CCNJL: variants seen among roughly 807,000 people sequenced by gnomAD.
CCNJL encodes cyclin-J-like protein.
In CCNJL, 33 loss-of-function variants were observed where a neutral mutation model predicts 33.4. The ratio of observed to expected loss-of-function variants is 0.99; its 90% CI spans 0.75 to 1.32. CCNJL has a LOEUF of 1.32. Among genes scored for constraint, CCNJL ranks in the 40% most tolerant of loss-of-function variants. The pLI, the probability that CCNJL is intolerant of heterozygous loss-of-function variation, is 0.00. For synonymous variants in CCNJL, 227 were observed against 220.9 expected (o/e 1.03, Z -0.24); for missense variants, 512 against 499.7 (o/e 1.02, Z -0.23).
At chr5:160,269,048 A>G (rs1761721681) in intron 3 of CCNJL, among the ~76,000 whole-genome samples, 1 of 152,248 alleles carries the variant, frequency 6.6e-6, no homozygotes, top group African/African-American at 2.4e-5. Flanking sequence ...TCCTGAGCCC[A>G]GTTTTAAAAA....
intron 1 of CCNJL, among the ~76,000 whole-genome samples, chr5:160,337,322 T>G (rs952054995): frequency 6.6e-6 from 1 of 152,072 alleles, no homozygotes; most frequent in African/African-American, 2.4e-5. Flanking sequence ...ACTTGGCTGC[T>G]GGGATTATTA....
intron 1 of CCNJL, among the ~76,000 whole-genome samples, chr5:160,324,814 A>T (rs141248122): frequency 6.6e-6 from 1 of 152,072 alleles, no homozygotes; most frequent in Non-Finnish European, 1.5e-5. Context: ...CTTTCTGTTG[A>T]TGTCTTAGAG....
rs1391371077 is a variant in CCNJL at position 160,321,004 on chromosome 5, CTCTCTCTCTCTT to C, written n.207-5511_207-5500del. ...TCTCTCTCTTTCTTTCTTTCTCTCTCTCTCTCTCTCTTTCTTTCTTTCTTTCTTTCTTTCTTT... is the reference window on the plus strand; with the variant it reads ...TCTCTCTCTTTCTTTCTTTCTCTCTCTCTTTCTTTCTTTCTTTCTTTCTTT... On this transcript the variant is annotated intron_variant and non_coding_transcript_variant, in intron 1 of 7. Coordinates refer to the CCNJL transcript ENST00000377503. Among the ~76,000 whole-genome samples, 134 of 112,032 alleles carry C rather than the reference CTCTCTCTCTCTT, an allele frequency of 1.2e-3. 1 individual carries two copies. The highest frequency in any genetic ancestry group is 4.6e-3 in the African/African-American group (125 of 27,394). The allele number at this position is 112,032 out of a possible 152,430, so 73.5% of individuals were successfully genotyped here.
intron 1 of CCNJL, among the ~76,000 whole-genome samples, chr5:160,324,810 G>A (rs537282442): frequency 6.6e-6 from 1 of 152,234 alleles, no homozygotes; most frequent in South Asian, 2.1e-4. Context: ...CAATCTTTCT[G>A]TTGATGTCTT....
At position 160,250,495 on chromosome 5, in the gene CCNJL, T is replaced by C. The variant is rs1760775114; in HGVS notation, c.*2883A>G. 1 of 152,258 alleles carries C rather than the reference T, an allele frequency of 6.6e-6. No individual in the cohort carries two copies. The highest frequency in any genetic ancestry group is 1.5e-5 in the Non-Finnish European group (1 of 68,062). 9.4% of individuals were successfully genotyped at this position (152,258 alleles called of 1,614,324 possible). Reference sequence around the variant, plus strand: ...TCCCCTAATTGTCTAATCAAAGGCATCTGCACTTAGCAAATGTCTCAGCCC... The same window carrying C: ...TCCCCTAATTGTCTAATCAAAGGCACCTGCACTTAGCAAATGTCTCAGCCC... On this transcript the variant is annotated 3_prime_UTR_variant, in exon 6 of 6. Transcript: ENST00000257536.
chr5:160,257,426 G>T (rs1301246998), intron 4 of CCNJL, among the ~76,000 whole-genome samples: 1 of 152,082 alleles, frequency 6.6e-6, no homozygotes, highest in Non-Finnish European at 1.5e-5. Context: ...AGTGAGCCAA[G>T]ATCGTGCCAC....
chr5:160,267,623 T>C (rs1251901868), intron 3 of CCNJL, among the ~76,000 whole-genome samples: 1 of 152,210 alleles, frequency 6.6e-6, no homozygotes, highest in Non-Finnish European at 1.5e-5. Flanking sequence ...AGTGTATCTA[T>C]CTGGGTGGAG....
At chr5:160,337,813 C>G (rs981375560) in intron 1 of CCNJL, among the ~76,000 whole-genome samples, 2 of 152,176 alleles carry the variant, frequency 1.3e-5, no homozygotes, top group African/African-American at 4.8e-5. Flanking sequence ...AAGAACCAAT[C>G]CTTCAAGATA....
In CCNJL at chr5:160,253,270, G is replaced by A. The variant is rs1760887014; in HGVS notation, c.*108C>T. 10 of 1,089,796 alleles carry A rather than the reference G, an allele frequency of 9.2e-6. No individual in the cohort carries two copies. Among genetic ancestry groups the A allele is most frequent in the Non-Finnish European group, 1.3e-5 (10 of 771,054 alleles). 67.5% of individuals were successfully genotyped at this position (1,089,796 alleles called of 1,614,324 possible). ...GAGCACAGACCCTCCACGTTCCAAG[G>A]CTCTTCAGGGATGGCCTCCTGCTGC... On this transcript the variant is annotated 3_prime_UTR_variant, in exon 6 of 6. Transcript: ENST00000257536.
At chr5:160,324,865 C>T (rs975642904) in intron 1 of CCNJL, among the ~76,000 whole-genome samples, 4 of 152,194 alleles carry the variant, frequency 2.6e-5, no homozygotes, top group African/African-American at 7.2e-5. Flanking sequence ...TTGTTACACA[C>T]GTTTTTCCTG....
At chr5:160,324,503 G>C (rs971368690) in intron 1 of CCNJL, among the ~76,000 whole-genome samples, 2 of 152,168 alleles carry the variant, frequency 1.3e-5, no homozygotes, top group Admixed American at 6.5e-5. Context: ...AACCCAGGAG[G>C]TGAAAGTTGC....
intron 2 of CCNJL, among the ~76,000 whole-genome samples, chr5:160,288,723 T>C (rs981134149): frequency 2.0e-5 from 3 of 148,492 alleles, no homozygotes; most frequent in Non-Finnish European, 4.4e-5. Context: ...ACAAAAAAAT[T>C]AGAGGCTGAG....
intron 1 of CCNJL, among the ~76,000 whole-genome samples, chr5:160,337,003 C>CTTTTTTTTTTTTT (rs35461944): frequency 9.5e-5 from 9 of 95,060 alleles, no homozygotes; most frequent in Admixed American, 1.4e-4. Context: ...CTTTTTCTTT[C>CTTTTTTTTTTTTT]TTTTTTTTTT....
chr5:160,299,533 A>G (rs757761248), intron 2 of CCNJL, among the ~76,000 whole-genome samples: 3 of 152,190 alleles, frequency 2.0e-5, no homozygotes, highest in Non-Finnish European at 4.4e-5. Flanking sequence ...TTTCTGAGAC[A>G]ACAGAGGAAT....
intron 2 of CCNJL, among the ~76,000 whole-genome samples, chr5:160,297,571 T>A (rs949082883): frequency 6.6e-6 from 1 of 150,748 alleles, no homozygotes; most frequent in Non-Finnish European, 1.5e-5. Context: ...GCCCAACACT[T>A]TAAGAAGCCA....
chr5:160,278,298 C>T (rs1762086902), intron 3 of CCNJL, among the ~76,000 whole-genome samples: 1 of 152,144 alleles, frequency 6.6e-6, no homozygotes, highest in African/African-American at 2.4e-5. Context: ...CCGCGCCCAG[C>T]CTTCCTGTCT....
At chr5:160,270,430 CAAA>C (rs1457294810) in intron 3 of CCNJL, among the ~76,000 whole-genome samples, 1 of 150,354 alleles carries the variant, frequency 6.7e-6, no homozygotes, top group East Asian at 2.0e-4. Context: ...GGTGACAGAG[CAAA>C]ATGGTGTCTC....
At chr5:160,264,518 C>T (rs1347909788) in intron 3 of CCNJL, among the ~76,000 whole-genome samples, 1 of 151,884 alleles carries the variant, frequency 6.6e-6, no homozygotes, top group Non-Finnish European at 1.5e-5. Context: ...TGGCAAGATG[C>T]TGTGGATCCA....
At chr5:160,313,111 C>T (rs1415662836), upstream of CCNJL, among the ~76,000 whole-genome samples, 1 of 152,186 alleles carries the variant, frequency 6.6e-6, no homozygotes, top group African/African-American at 2.4e-5. Context: ...TATTATTGTG[C>T]TCCTGCAGAA....
Sources: gnomAD v4.1 joint callset for allele counts (sites outside exome capture counted in the v4.1 genomes callset) on GRCh38, gnomAD v4.1.1 for gene constraint, MANE v1.5 for transcripts, NCBI Gene and HGNC (gene_info 2026-07-23, HGNC 2026-07-21) for gene names.